NR3C2: variants seen among roughly 807,000 people sequenced by gnomAD.
NR3C2 encodes the protein nuclear receptor subfamily 3 group C member 2, also known as mineralocorticoid receptor.
In NR3C2, 15 loss-of-function variants were observed where a neutral mutation model predicts 86.4. The ratio of observed to expected loss-of-function variants is 0.17; its 90% CI spans 0.12 to 0.27. The LOEUF is 0.27. Ranked by LOEUF, NR3C2 falls within the 10% of genes least tolerant of loss-of-function variation. The probability of loss-of-function intolerance (pLI) is 1.00; values close to 1 mark genes in which losing one functional copy is unlikely to be tolerated. For synonymous variants in NR3C2, 458 were observed against 450.5 expected (o/e 1.02, Z -0.21); for missense variants, 960 against 1,195.6 (o/e 0.80, Z 2.91).
chr4:148,273,391 A>G (rs1337666716), intron 2 of NR3C2, among the ~76,000 whole-genome samples: 1 of 152,226 alleles, frequency 6.6e-6, no homozygotes, highest in Non-Finnish European at 1.5e-5. Flanking sequence ...ATTTTGAAAC[A>G]TAAGTGACAA....
rs185111770 is a variant in NR3C2, at chr4:148,380,878, A to C, written c.1757+54226T>G. Among the ~76,000 whole-genome samples the C allele has an allele frequency of 1.1e-3, 161 of 152,258 alleles. No individual in the cohort carries two copies. The East Asian group carries it at 0.024, about 22-fold the overall frequency. Reference sequence around the variant, plus strand: ...AGTATTTTGTGACCAAAAAACCATAATATTTAAAAATTATACACACTGATA... The same window carrying C: ...AGTATTTTGTGACCAAAAAACCATACTATTTAAAAATTATACACACTGATA... On this transcript the variant is annotated intron_variant, in intron 2 of 8. Transcript: ENST00000358102.
At chr4:148,364,814 GTTT>G (rs11330551) in intron 2 of NR3C2, among the ~76,000 whole-genome samples, 6 of 139,696 alleles carry the variant, frequency 4.3e-5, no homozygotes, top group Admixed American at 7.1e-5. Context: ...TTGGCTTTGG[GTTT>G]TTTTTTTTTT....
chr4:148,082,172 G>T (rs933049854), intron 8 of NR3C2, among the ~76,000 whole-genome samples: 8 of 152,312 alleles, frequency 5.3e-5, no homozygotes, highest in Admixed American at 5.2e-4. Flanking sequence ...GTTCTGGGGT[G>T]TCCCCCTAGC....
chr4:148,398,761 A>G (rs958342001), intron 2 of NR3C2, among the ~76,000 whole-genome samples: 1 of 152,246 alleles, frequency 6.6e-6, no homozygotes, highest in African/African-American at 2.4e-5. Flanking sequence ...CTTACATTCT[A>G]GTAGAGACAA....
chr4:148,124,220 G>C (rs1000122944), intron 6 of NR3C2, among the ~76,000 whole-genome samples: 3 of 143,922 alleles, frequency 2.1e-5, no homozygotes, highest in Non-Finnish European at 4.5e-5. Flanking sequence ...GGGTGACAGA[G>C]TGAGACTCCA....
intron 8 of NR3C2, among the ~76,000 whole-genome samples, chr4:148,094,715 CAA>C (rs560353672): frequency 0.33 from 34,234 of 103,518 alleles, 4,797 homozygotes; most frequent in African/African-American, 0.48. Context: ...AACTCCATCT[CAA>C]AAAAAAAAAC....
intron 4 of NR3C2, among the ~76,000 whole-genome samples, chr4:148,170,658 T>C (rs1009652638): frequency 1.3e-5 from 2 of 152,222 alleles, no homozygotes; most frequent in African/African-American, 2.4e-5. Context: ...CCATGCTTTA[T>C]AGATGGGTGA....
chr4:148,274,354 T>C (rs1740853416), intron 2 of NR3C2, among the ~76,000 whole-genome samples: 1 of 152,208 alleles, frequency 6.6e-6, no homozygotes, highest in Non-Finnish European at 1.5e-5. Flanking sequence ...ACAGATAAAT[T>C]TGAGAGTGAT....
rs116585505 is a variant in NR3C2, at chr4:148,308,416, C to T, written c.1758-48299G>A. On this transcript the variant is annotated intron_variant, in intron 2 of 8. Coordinates refer to ENST00000358102, the MANE Select transcript of NR3C2 (RefSeq NM_000901.5). ...TCTGTTTCTACTTGAAATCCACCAG[C>T]ATATAAAGTTGATGTATTTACTCTA... is the stretch of plus-strand genomic sequence containing the variant. Among the ~76,000 whole-genome samples, 478 of 152,082 alleles carry T rather than the reference C, an allele frequency of 3.1e-3. 3 individuals carry two copies. Among genetic ancestry groups the T allele is most frequent in the African/African-American group, 0.011 (459 of 41,468 alleles).
chr4:148,296,397 A>G (rs1742059557), intron 2 of NR3C2, among the ~76,000 whole-genome samples: 1 of 152,170 alleles, frequency 6.6e-6, no homozygotes, highest in East Asian at 1.9e-4. Flanking sequence ...ATTTTGTCCT[A>G]TTATATTCTA....
In NR3C2 at chr4:148,201,658, G is replaced by A. The variant is rs542342351; in HGVS notation, c.1898-6796C>T. The stretch of plus-strand genomic sequence containing the variant: ...CCTCTGCCTGCCAACCCTGGCTGAT[G>A]TTTGGTCATGGGTGGTGGCAGGACT... On this transcript the variant is annotated intron_variant, in intron 3 of 8. Transcript: ENST00000358102. Among the ~76,000 whole-genome samples, 24 of 152,310 alleles carry A rather than the reference G, an allele frequency of 1.6e-4. No individual in the cohort carries two copies. The South Asian group carries it at 3.1e-3, about 20-fold the overall frequency.
At chr4:148,120,100 C>T in intron 7 of NR3C2, 58 bp downstream of exon 7, 1 of 1,608,580 alleles carries the variant, frequency 6.2e-7, no homozygotes, top group South Asian at 1.1e-5. Context: ...AGCCTACTGC[C>T]CTATGGGGAA....
intron 2 of NR3C2, among the ~76,000 whole-genome samples, chr4:148,322,951 C>T (rs1296439182): frequency 1.4e-5 from 2 of 147,024 alleles, no homozygotes; most frequent in Non-Finnish European, 3.0e-5. Context: ...GGAGGAGAGG[C>T]GCTCTGCTGT....
intron 8 of NR3C2, among the ~76,000 whole-genome samples, chr4:148,091,773 C>T (rs549597068): frequency 7.2e-5 from 11 of 152,328 alleles, no homozygotes; most frequent in Admixed American, 2.0e-4. Context: ...AGCACTTGTA[C>T]ATCATCAGAC....
At chr4:148,235,784 T>G (rs1738721853) in intron 3 of NR3C2, among the ~76,000 whole-genome samples, 1 of 152,312 alleles carries the variant, frequency 6.6e-6, no homozygotes, top group African/African-American at 2.4e-5. Flanking sequence ...TCAACAATGG[T>G]TAGGACAACA....
intron 2 of NR3C2, among the ~76,000 whole-genome samples, chr4:148,426,185 C>T (rs1749519831): frequency 6.6e-6 from 1 of 152,200 alleles, no homozygotes; most frequent in Non-Finnish European, 1.5e-5. Flanking sequence ...CAAGAGTAAG[C>T]ATTGTGCCTC....
chr4:148,295,575 C>A (rs897094650), intron 2 of NR3C2, among the ~76,000 whole-genome samples: 1 of 150,030 alleles, frequency 6.7e-6, no homozygotes, highest in African/African-American at 2.5e-5. Flanking sequence ...TCCTGCCTAG[C>A]CTGTAAGGCC....
chr4:148,334,615 C>T (rs1005031255), intron 2 of NR3C2, among the ~76,000 whole-genome samples: 7 of 152,096 alleles, frequency 4.6e-5, no homozygotes, highest in African/African-American at 1.7e-4. Context: ...ATTGATGTGG[C>T]CATAATATGT....
chr4:148,178,515 C>T (rs1279733181), intron 4 of NR3C2, among the ~76,000 whole-genome samples: 1 of 151,538 alleles, frequency 6.6e-6, no homozygotes, highest in Admixed American at 6.6e-5. Flanking sequence ...TTAGCAGATG[C>T]CTGTAACTGT....
Sources: gnomAD v4.1 joint callset for allele counts (sites outside exome capture counted in the v4.1 genomes callset) on GRCh38, gnomAD v4.1.1 for gene constraint, MANE v1.5 for transcripts, NCBI Gene and HGNC (gene_info 2026-07-23, HGNC 2026-07-21) for gene names.